LSS: variants seen among roughly 807,000 people sequenced by gnomAD.
The protein encoded by LSS is 2,3-epoxysqualene-lanosterol cyclase.
In LSS, 90 loss-of-function variants were observed where a neutral mutation model predicts 110.3. The ratio of observed to expected loss-of-function variants is 0.82; its 90% CI spans 0.69 to 0.97. The LOEUF (loss-of-function observed/expected upper bound fraction) is 0.97. Among genes scored for constraint, LSS ranks in the 50% least tolerant of loss-of-function variants. The probability of loss-of-function intolerance (pLI) is 0.00; values close to 1 mark genes in which losing one functional copy is unlikely to be tolerated. For missense variants in LSS, 927 were observed against 990.0 expected (o/e 0.94, Z 0.85); for synonymous variants, 433 against 400.0 (o/e 1.08, Z -0.98).
chr21:46,201,801 C>CTT (rs35255202), intron 17 of LSS, among the ~76,000 whole-genome samples: 209 of 144,980 alleles, frequency 1.4e-3, no homozygotes, highest in Middle Eastern at 3.5e-3. Context: ...AGTTTAAAAT[C>CTT]TTTTTTTTTT....
chr21:46,212,921 G>C (rs953949286), intron 11 of LSS, 104 bp downstream of exon 11: 2 of 1,409,496 alleles, frequency 1.4e-6, no homozygotes, highest in Non-Finnish European at 1.0e-6. Context: ...GCACGCTGCC[G>C]GGACCTGGTC....
chr21:46,219,428 C>T (rs745702940), intron 6 of LSS, 48 bp downstream of exon 6: 4 of 1,420,250 alleles, frequency 2.8e-6, no homozygotes, highest in Non-Finnish European at 3.9e-6. Context: ...CACTCTACTC[C>T]CCGGGACAGC....
Position 46,205,907 on chromosome 21 carries a change from G to A in LSS, c.1599C>T (p.Cys533=). The stretch of plus-strand genomic sequence containing the variant: ...TAAGCGCCTGCATCACGGCTGAGGT[G>A]CACTCCACATAGGTGTAGTCAATCA... ...DIMIDYTYVE[C]TSAVMQALKY... The change falls in exon 17 of 22, where the codon TGC becomes TGT. Residue 533 remains cysteine (C), a synonymous_variant. Coordinates refer to ENST00000397728, the MANE Select transcript of LSS (RefSeq NM_002340.6). 1 of 1,611,232 alleles carries A rather than the reference G, an allele frequency of 6.2e-7. No homozygotes were observed. The highest frequency in any genetic ancestry group is 8.5e-7 in the Non-Finnish European group (1 of 1,178,820).
rs750990302 is a variant in LSS, at chr21:46,213,792, C to T, written c.1055G>A (p.Gly352Glu). The T allele has an allele frequency of 2.5e-6, 4 of 1,614,066 alleles. No homozygotes were observed. Among genetic ancestry groups the T allele is most frequent in the Non-Finnish European group, 3.4e-6 (4 of 1,180,010 alleles). ...INMLVRWYVD[G>E]PASTAFQEHV... ...CTCCTGGAAGGCAGTGGAGGCGGGC[C>T]CGTCCACATACCAGCGCACAAGCAT... The change falls in exon 10 of 22, where the codon GGG (glycine) becomes GAG (glutamate). Residue 352 changes from glycine to glutamate, a missense_variant. Gly to Glu is a moderately conservative substitution (Grantham distance 98). Transcript: ENST00000397728.
intron 5 of LSS, chr21:46,220,146 T>C (rs1025724040): frequency 1.3e-5 from 2 of 152,470 alleles, no homozygotes; most frequent in Non-Finnish European, 2.9e-5. Context: ...CATCTAAACA[T>C]GCTTCTGAGG....
chr21:46,225,746 G>A (rs2080331455), intron 3 of LSS, among the ~76,000 whole-genome samples: 1 of 152,248 alleles, frequency 6.6e-6, no homozygotes, highest in Non-Finnish European at 1.5e-5. Flanking sequence ...TCGGCTGCCA[G>A]GCAGGGAAGA....
In LSS at chr21:46,189,836, GGGGAGAGC is replaced by G; in HGVS notation, c.*1260_*1267del. Reference sequence around the variant, plus strand: ...TCTCAGTGACTCCTCCCAGTAGCCAGGGGAGAGCAGTGACAGTCTCAGGTGGCCCTGAG... The same window carrying G: ...TCTCAGTGACTCCTCCCAGTAGCCAGAGTGACAGTCTCAGGTGGCCCTGAG... On this transcript the variant is annotated 3_prime_UTR_variant, in exon 22 of 22. Transcript: ENST00000397728. 2 of 412,574 alleles carry G rather than the reference GGGGAGAGC, an allele frequency of 4.8e-6. No individual in the cohort carries two copies. The highest frequency in any genetic ancestry group is 2.1e-5 in the African/African-American group (1 of 47,758). 25.6% of individuals were successfully genotyped at this position (412,574 alleles called of 1,614,324 possible).
At chr21:46,227,718 G>A (rs1418981802) in intron 2 of LSS, 28 bp from the exon 3 acceptor site, 15 of 1,593,940 alleles carry the variant, frequency 9.4e-6, no homozygotes, top group Non-Finnish European at 1.2e-5. Context: ...AAAAAAAAAA[G>A]AGATAGCTGA....
At chr21:46,228,250 G>T (rs1411777193) in intron 2 of LSS, among the ~76,000 whole-genome samples, 184 bp downstream of exon 2, 1 of 152,254 alleles carries the variant, frequency 6.6e-6, no homozygotes, top group African/African-American at 2.4e-5. Flanking sequence ...AGTCTCCTAT[G>T]CGTGGTTTAG....
At chr21:46,228,065 G>A (rs1338450126) in intron 2 of LSS, among the ~76,000 whole-genome samples, 2 of 152,220 alleles carry the variant, frequency 1.3e-5, no homozygotes, top group Non-Finnish European at 2.9e-5. Context: ...GGGCTCGGCA[G>A]GAGACCCTGT....
chr21:46,215,268 C>T lies in LSS; in HGVS notation c.923G>A (p.Ser308Asn), dbSNP rs1441720370. ...CACGGCCCGCTGCCGCAGGTGGGCA[C>T]TGTGGTGGTGCTCATACAGGTTGAG... ...ALLNLYEHHH[S>N]AHLRQRAVQK... Residue 308 changes from serine (S) to asparagine (N), a missense_variant, in exon 9 of 22, where the codon AGT becomes AAT. Physicochemically the swap from Ser to Asn is conservative, Grantham distance 46. Coordinates refer to ENST00000397728, the MANE Select transcript of LSS (RefSeq NM_002340.6). 4.3e-6 allele frequency: 7 copies of T among 1,610,440 alleles called. No individual in the cohort carries two copies. The highest frequency in any genetic ancestry group is 2.7e-5 in the African/African-American group (2 of 74,880).
chr21:46,203,640 C>T (rs574554444), intron 17 of LSS, among the ~76,000 whole-genome samples: 16 of 152,240 alleles, frequency 1.1e-4, no homozygotes, highest in Non-Finnish European at 2.1e-4. Context: ...CACCTCATGC[C>T]GCAGAGCAGC....
chr21:46,209,269 G>C lies in LSS; in HGVS notation c.1266+285C>G, dbSNP rs951922760. The stretch of plus-strand genomic sequence containing the variant: ...AGCTCAGGGTACACAGCCCCTGCCC[G>C]TGCCTGGCCCTTGCACACAGTGGCT... On this transcript the variant is annotated intron_variant, in intron 13 of 21. Coordinates refer to ENST00000397728, the MANE Select transcript of LSS (RefSeq NM_002340.6). The surrounding 1 kb of genome is among the most constrained non-coding windows in gnomAD (Gnocchi z 4.4). Among the ~76,000 whole-genome samples, 6 of 152,150 alleles carry C rather than the reference G, an allele frequency of 3.9e-5. No homozygotes were observed. The highest frequency in any genetic ancestry group is 6.5e-5 in the Admixed American group (1 of 15,280).
At chr21:46,207,959 G>A (rs577995592) in intron 14 of LSS, among the ~76,000 whole-genome samples, 19 of 152,336 alleles carry the variant, frequency 1.2e-4, no homozygotes, top group African/African-American at 4.3e-4. Flanking sequence ...TGCCTTCCCC[G>A]GACACACTGG....
At chr21:46,217,830 G>A (rs1411145339) in intron 6 of LSS, among the ~76,000 whole-genome samples, 4 of 152,138 alleles carry the variant, frequency 2.6e-5, no homozygotes, top group Non-Finnish European at 4.4e-5. Flanking sequence ...ACACACGGGC[G>A]AGGCGCAGAG....
Position 46,227,560 on chromosome 21 carries a change from A to T in LSS, c.311T>A (p.Leu104His), listed in dbSNP as rs2080358058. The change falls in exon 3 of 22, where the codon CTC becomes CAC. Residue 104 changes from leucine to histidine, a missense_variant. Leu to His is a moderately conservative substitution (Grantham distance 99). Transcript: ENST00000397728. ...GGGCAGCATACTCCTACCTGGCAGG[A>T]GGAAAAGTGGGCCACCATAATCACC... is the stretch of plus-strand genomic sequence containing the variant. Reference protein sequence around the residue: ...WTGDYGGPLFLLPGLLITCHV... With the variant: ...WTGDYGGPLFHLPGLLITCHV... The T allele has an allele frequency of 6.2e-7, 1 of 1,613,872 alleles. No homozygotes were observed.
intron 10 of LSS, 127 bp from the exon 11 acceptor site, chr21:46,213,179 T>C (rs2080156565): frequency 7.0e-6 from 6 of 861,310 alleles, no homozygotes. Context: ...GGCACTGGCC[T>C]GGATGCCACC....
At chr21:46,191,275 G>C in intron 21 of LSS, 40 bp from the exon 22 acceptor site, 1 of 1,611,910 alleles carries the variant, frequency 6.2e-7, no homozygotes, top group Non-Finnish European at 8.5e-7. Flanking sequence ...GGCTTCACCA[G>C]TCAGCTGAGG....
At chr21:46,193,619 G>A (rs940638098) in intron 20 of LSS, 6 of 442,708 alleles carry the variant, frequency 1.4e-5, no homozygotes, top group Non-Finnish European at 1.8e-5. Context: ...GTATGTGTGT[G>A]CATAGACCTG....
Sources: allele counts gnomAD v4.1 joint callset (sites outside exome capture counted in the v4.1 genomes callset), GRCh38; gene constraint gnomAD v4.1.1; non-coding constraint Gnocchi (gnomAD v3.1); transcripts MANE v1.5; gene names NCBI Gene and HGNC (gene_info 2026-07-23, HGNC 2026-07-21).